Variants in ELF3 observed in about 807,000 individuals in gnomAD.
ELF3 encodes ETS-related transcription factor Elf-3.
A neutral mutation model predicts 43.9 loss-of-function variants in ELF3; 18 were observed. The ratio of observed to expected loss-of-function variants is 0.41; its 90% confidence interval spans 0.28 to 0.61. ELF3 has a LOEUF of 0.61. ELF3 is among the 20% of genes least tolerant of loss of function. The pLI is 0.30. For synonymous variants in ELF3, 181 were observed against 190.2 expected, an observed-to-expected ratio of 0.95 and a Z score of 0.40; for missense variants, 373 against 487.7, an observed-to-expected ratio of 0.76 and a Z score of 2.21.
chr1:202,014,059 G>C, intron 8 of ELF3, 35 bp downstream of exon 8: 6 of 1,570,450 alleles, frequency 3.8e-6, no homozygotes, highest in Non-Finnish European at 5.2e-6. Context: ...CGATACAGCC[G>C]GACATGGGGA....
In ELF3 at chr1:202,012,800, T is replaced by A; in HGVS notation, c.598+41T>A. 6.5e-7 allele frequency: 1 copy of A among 1,537,164 alleles called. No homozygotes were observed. ...GGGCCACAACCTCCCTTCCCCGAAG[T>A]GTCCCTTGTTCCCTCTGGCTCCCAG... On this transcript the variant is annotated intron_variant, in intron 5 of 8. Transcript: ENST00000367284. This position sits in a 1 kb window ranked among gnomAD's most constrained non-coding sequence, Gnocchi z 4.2.
chr1:202,012,755 C>A lies in ELF3; in HGVS notation c.594C>A (p.Thr198=). The A allele has an allele frequency of 6.4e-7, 1 of 1,563,520 alleles. No individual in the cohort carries two copies. The change falls in exon 5 of 9, where the codon ACC becomes ACA. Residue 198 remains threonine, a synonymous_variant. Coordinates refer to ENST00000367284, the MANE Select transcript of ELF3 (RefSeq NM_004433.5). The surrounding 1 kb of genome is among the most constrained non-coding windows in gnomAD (Gnocchi z 4.2). ...APSPGSSDVS[T]AGTGASRSSH... ...CCCCTGGCAGCTCTGACGTCTCCAC[C>A]GCAGGTGAGAGCTCTCTCTGGGCCA...
intron 2 of ELF3, 121 bp from the exon 3 acceptor site, chr1:202,011,836 C>G: frequency 1.1e-6 from 1 of 949,526 alleles, no homozygotes; most frequent in South Asian, 1.6e-5. Flanking sequence ...GAGATTGTGC[C>G]ATTGCACCCC....
chr1:202,011,444 G>A lies in ELF3; in HGVS notation c.163+145G>A, dbSNP rs1684193763. 7.7e-6 allele frequency: 8 copies of A among 1,040,684 alleles called. No individual in the cohort carries two copies. In the Admixed American group the frequency reaches 2.3e-4, roughly 30 times the overall value. The allele number at this position is 1,040,684 out of a possible 1,614,324, so 64.5% of individuals were successfully genotyped here. A position where few individuals can be genotyped will look rare whatever the true frequency, so the allele number is the denominator to read the frequency against. On this transcript the variant is annotated intron_variant, in intron 2 of 8. Transcript: ENST00000367284. Reference sequence around the variant, plus strand: ...GCTGAGACTTAGTGACTGAGGTGCTGGGGGTTGTGGGGCTGTGACAGGCAG... The same window carrying A: ...GCTGAGACTTAGTGACTGAGGTGCTAGGGGTTGTGGGGCTGTGACAGGCAG...
At position 202,012,821 on chromosome 1, in the gene ELF3, C is replaced by G. The variant is rs1684235885; in HGVS notation, c.598+62C>G. 5.2e-6 allele frequency: 8 copies of G among 1,537,020 alleles called. No individual in the cohort carries two copies. The highest frequency in any genetic ancestry group is 7.0e-6 in the Non-Finnish European group (8 of 1,142,410). ...GAAGTGTCCCTTGTTCCCTCTGGCT[C>G]CCAGCACCATAACTCAGGCCTTCTG... On this transcript the variant is annotated intron_variant, in intron 5 of 8. Transcript: ENST00000367284. This position sits in a 1 kb window ranked among gnomAD's most constrained non-coding sequence, Gnocchi z 4.2.
At chr1:202,015,017 T>C in intron 8 of ELF3, 192 bp from the exon 9 acceptor site, 1 of 571,082 alleles carries the variant, frequency 1.8e-6, no homozygotes. Context: ...TACAGGCCAG[T>C]GTAGGGAAAG....
chr1:202,010,921 G>A lies in ELF3; in HGVS notation c.-8-208G>A. 1 of 560,756 alleles carries A rather than the reference G, an allele frequency of 1.8e-6. No homozygotes were observed. Among genetic ancestry groups the A allele is most frequent in the Non-Finnish European group, 3.1e-6 (1 of 319,624 alleles). The allele number at this position is 560,756 out of a possible 1,614,324, so 34.7% of individuals were successfully genotyped here. A position where few individuals can be genotyped will look rare whatever the true frequency, so the allele number is the denominator to read the frequency against. ...GGCTCCAGGGCCCCAGAGATCTGAGGAGGGAAGCCCAGCTGGAGGCTCCTG... is the reference window on the plus strand; with the variant it reads ...GGCTCCAGGGCCCCAGAGATCTGAGAAGGGAAGCCCAGCTGGAGGCTCCTG... On this transcript the variant is annotated intron_variant, in intron 1 of 8. Coordinates refer to ENST00000367284, the MANE Select transcript of ELF3 (RefSeq NM_004433.5). The surrounding 1 kb of genome is among the most constrained non-coding windows in gnomAD (Gnocchi z 4.3).
rs984694570 is a variant in ELF3 at position 202,011,172 on chromosome 1, C to A, written c.36C>A (p.Ser12Arg). Reference sequence around the variant, plus strand: ...CCTGTGAGATTAGCAACATTTTTAGCAACTACTTCAGTGCGATGTACAGCT... The same window carrying A: ...CCTGTGAGATTAGCAACATTTTTAGAAACTACTTCAGTGCGATGTACAGCT... ...AATCEISNIF[S>R]NYFSAMYSSE... The change falls in exon 2 of 9, where the codon AGC (serine) becomes AGA (arginine). Residue 12 changes from serine (S) to arginine (R), a missense_variant. Ser to Arg is a moderately radical substitution (Grantham distance 110). Around this residue, in one of 3 missense-constraint regions of ELF3, gnomAD observed 311 missense variants for 351.2 expected, o/e 0.89. Coordinates refer to ENST00000367284, the MANE Select transcript of ELF3 (RefSeq NM_004433.5). The A allele has an allele frequency of 6.2e-7, 1 of 1,614,014 alleles. No homozygotes were observed. Among genetic ancestry groups the A allele is most frequent in the African/African-American group, 1.3e-5 (1 of 74,920 alleles).
Position 202,013,316 on chromosome 1 carries a change from G to A in ELF3, c.805+18G>A, listed in dbSNP as rs201542900. ...CAAGCACGGTGAGCTCCGGGGGCAC[G>A]TGGGTCCTCCCTGCGCCGGGCTGAG... is the stretch of plus-strand genomic sequence containing the variant. On this transcript the variant is annotated intron_variant, in intron 7 of 8. Transcript: ENST00000367284. The surrounding 1 kb of genome is among the most constrained non-coding windows in gnomAD (Gnocchi z 5.7). The A allele has an allele frequency of 1.4e-5, 22 of 1,610,322 alleles. No homozygotes were observed. The highest frequency in any genetic ancestry group is 1.7e-4 in the Middle Eastern group (1 of 6,060).
rs1303488461 is a variant in ELF3, at chr1:202,015,368, C to T, written c.*45C>T. On this transcript the variant is annotated 3_prime_UTR_variant, in exon 9 of 9. Transcript: ENST00000367284. ...GACCAAACTCACGGACCACTCGAGG[C>T]CTGCAAACCTTCCTGGGAGGACAGG... 6.3e-7 allele frequency: 1 copy of T among 1,593,156 alleles called. No individual in the cohort carries two copies. Among genetic ancestry groups the T allele is most frequent in the African/African-American group, 1.3e-5 (1 of 74,522 alleles).
Position 202,011,182 on chromosome 1 carries a change from AGTGCGAT to A in ELF3, c.49_55del (p.Ala17ThrfsTer24). On this transcript the variant is annotated frameshift_variant, in exon 2 of 9. Transcript: ENST00000367284. LOFTEE classifies it high-confidence loss of function. ...TAGCAACATTTTTAGCAACTACTTC[AGTGCGAT>A]GTACAGCTCGGAGGACTCCACCCTG... The A allele has an allele frequency of 6.2e-7, 1 of 1,614,110 alleles. No individual in the cohort carries two copies. The highest frequency in any genetic ancestry group is 8.5e-7 in the Non-Finnish European group (1 of 1,179,998).
intron 8 of ELF3, 158 bp from the exon 9 acceptor site, chr1:202,015,051 A>G (rs1684284706): frequency 1.6e-6 from 1 of 641,224 alleles, no homozygotes. Flanking sequence ...CAGTGTGAAG[A>G]ACAGAGGAGT....
At position 202,013,245 on chromosome 1, in the gene ELF3, G is replaced by A. The variant is rs1398134258; in HGVS notation, c.752G>A (p.Arg251Gln). Residue 251 changes from arginine (R) to glutamine (Q), a missense_variant, in exon 7 of 9, where the codon CGA becomes CAA. By Grantham distance (43) the Arg-to-Gln change is conservative. This residue lies in a region of ELF3 where 311 missense variants were observed against 351.2 expected (regional missense o/e 0.89). Coordinates refer to ENST00000367284, the MANE Select transcript of ELF3 (RefSeq NM_004433.5). This position sits in a 1 kb window ranked among gnomAD's most constrained non-coding sequence, Gnocchi z 5.7. The part of the protein sequence containing the change: ...KHGKRKRGRP[R>Q]KLSKEYWDCL... Reference sequence around the variant, plus strand: ...GGGAAGCGGAAACGAGGCCGGCCCCGAAAGCTGAGCAAAGAGTACTGGGAC... The same window carrying A: ...GGGAAGCGGAAACGAGGCCGGCCCCAAAAGCTGAGCAAAGAGTACTGGGAC... The A allele has an allele frequency of 5.0e-6, 8 of 1,614,144 alleles. No homozygotes were observed. Among genetic ancestry groups the A allele is most frequent in the African/African-American group, 4.0e-5 (3 of 75,026 alleles).
rs1358913683 is a variant in ELF3 at position 202,013,815 on chromosome 1, G to A, written c.806-14G>A. 6.2e-7 allele frequency: 1 copy of A among 1,603,378 alleles called. No individual in the cohort carries two copies. ...GACACCTGGATGGCAAACTGATGGA[G>A]GCTGGCCTTGCAGCGCCCAGAGGCA... On this transcript the variant is annotated splice_polypyrimidine_tract_variant and intron_variant, in intron 7 of 8. Transcript: ENST00000367284. This position sits in a 1 kb window ranked among gnomAD's most constrained non-coding sequence, Gnocchi z 5.7.
rs763402980 is a variant in ELF3 at position 202,013,061 on chromosome 1, G to A, written c.688+25G>A. ...GGTGAGTCGAGGGAGGTCCCCAAGAGGGCGTCCCATTTAGCAATGCACAGG... is the reference window on the plus strand; with the variant it reads ...GGTGAGTCGAGGGAGGTCCCCAAGAAGGCGTCCCATTTAGCAATGCACAGG... On this transcript the variant is annotated intron_variant, in intron 6 of 8. Transcript: ENST00000367284. The surrounding 1 kb of genome is among the most constrained non-coding windows in gnomAD (Gnocchi z 5.7). 5 of 1,607,934 alleles carry A rather than the reference G, an allele frequency of 3.1e-6. No individual in the cohort carries two copies. In the African/African-American group the frequency reaches 6.7e-5, roughly 21 times the overall value.
chr1:202,012,734 T>C lies in ELF3; in HGVS notation c.573T>C (p.Pro191=), dbSNP rs2819362. 870,979 of 1,582,822 alleles carry C rather than the reference T, an allele frequency of 0.55. 246,361 individuals are homozygous for C. The highest frequency in any genetic ancestry group is 0.81 in the East Asian group (36,056 of 44,634). ...GCTGTGGCGCAGGAGCCCCCTCCCC[T>C]GGCAGCTCTGACGTCTCCACCGCAG... ...PGSCGAGAPS[P]GSSDVSTAGT... Residue 191 remains proline, a synonymous_variant, in exon 5 of 9, where the codon CCT becomes CCC. Coordinates refer to ENST00000367284, the MANE Select transcript of ELF3 (RefSeq NM_004433.5). The surrounding 1 kb of genome is among the most constrained non-coding windows in gnomAD (Gnocchi z 4.2).
chr1:202,017,009 T>C lies in ELF3; in HGVS notation c.*1686T>C, dbSNP rs1233576019. ...TCTAGGTTTTAGGGAGGACAGTTCA[T>C]TGATGTTACTTAAGAATGCTTTCCA... On this transcript the variant is annotated 3_prime_UTR_variant, in exon 9 of 9. Coordinates refer to ENST00000367284, the MANE Select transcript of ELF3 (RefSeq NM_004433.5). 2 of 152,186 alleles carry C rather than the reference T, an allele frequency of 1.3e-5. No homozygotes were observed. The highest frequency in any genetic ancestry group is 2.9e-5 in the Non-Finnish European group (2 of 68,032). 9.4% of individuals were successfully genotyped at this position (152,186 alleles called of 1,614,324 possible). A position where few individuals can be genotyped will look rare whatever the true frequency, so the allele number is the denominator to read the frequency against.
chr1:202,015,271 G>A lies in ELF3; in HGVS notation c.1064G>A (p.Gly355Asp), dbSNP rs2102994992. Residue 355 changes from glycine to aspartate, a missense_variant, in exon 9 of 9, where the codon GGC becomes GAC. Coordinates refer to ENST00000367284, the MANE Select transcript of ELF3 (RefSeq NM_004433.5). ...GGCCGGCGACTCGTCTACAAGTTTGGCAAAAACTCAAGCGGCTGGAAGGAG... is the reference window on the plus strand; with the variant it reads ...GGCCGGCGACTCGTCTACAAGTTTGACAAAAACTCAAGCGGCTGGAAGGAG... The part of the protein sequence containing the change: ...VDGRRLVYKF[G>D]KNSSGWKEEE... 1 of 1,614,086 alleles carries A rather than the reference G, an allele frequency of 6.2e-7. No homozygotes were observed. The highest frequency in any genetic ancestry group is 8.5e-7 in the Non-Finnish European group (1 of 1,180,020).
At chr1:202,014,304 G>C (rs768584275) in intron 8 of ELF3, among the ~76,000 whole-genome samples, 12 of 152,224 alleles carry the variant, frequency 7.9e-5, no homozygotes, top group Non-Finnish European at 8.8e-5. Flanking sequence ...AGTGGGAAAG[G>C]GGGCAGGAGC....
Sources: allele counts gnomAD v4.1 joint callset (sites outside exome capture counted in the v4.1 genomes callset), GRCh38; gene constraint gnomAD v4.1.1; regional missense constraint gnomAD v4.1.1; non-coding constraint Gnocchi (gnomAD v3.1); transcripts MANE v1.5; gene names NCBI Gene and HGNC (gene_info 2026-07-23, HGNC 2026-07-21).